The following CAMKMT variants were observed in gnomAD, a reference collection of about 807,000 sequenced individuals.
CAMKMT encodes the protein calmodulin-lysine N-methyltransferase.
Under a neutral mutation model 48.0 loss-of-function variants are expected in CAMKMT, and 53 were observed. The observed-to-expected ratio is 1.10, with a 90% CI of 0.89 to 1.39. The LOEUF is 1.39. Among genes scored for constraint, CAMKMT ranks in the 40% most tolerant of loss-of-function variants. CAMKMT has a pLI of 0.00. For missense variants in CAMKMT, 428 were observed against 402.7 expected, an observed-to-expected ratio of 1.06 and a Z score of -0.54; for synonymous variants, 165 against 152.3, an observed-to-expected ratio of 1.08 and a Z score of -0.61.
chr2:44,381,528 C>T (rs1680237851), intron 2 of CAMKMT, among the ~76,000 whole-genome samples: 1 of 152,140 alleles, frequency 6.6e-6, no homozygotes, highest in South Asian at 2.1e-4. Context: ...CAAGAATGTT[C>T]ACTGCAGCAG....
At chr2:44,468,893 G>C (rs915929019) in intron 3 of CAMKMT, among the ~76,000 whole-genome samples, 1 of 152,102 alleles carries the variant, frequency 6.6e-6, no homozygotes, top group Non-Finnish European at 1.5e-5. Context: ...ACTACAGCCT[G>C]GATGACAGAG....
intron 3 of CAMKMT, among the ~76,000 whole-genome samples, chr2:44,591,779 C>T (rs556114711): frequency 6.6e-6 from 1 of 151,978 alleles, no homozygotes; most frequent in South Asian, 2.1e-4. Flanking sequence ...TTTATTGCGG[C>T]ACTATTCACA....
chr2:44,453,180 A>G (rs953230837), intron 3 of CAMKMT, among the ~76,000 whole-genome samples: 3 of 152,000 alleles, frequency 2.0e-5, no homozygotes, highest in Admixed American at 6.6e-5. Context: ...TTAAAAGTAG[A>G]TGTGGCTGTA....
intron 3 of CAMKMT, among the ~76,000 whole-genome samples, chr2:44,688,059 C>T (rs1271263794): frequency 4.6e-5 from 7 of 152,030 alleles, no homozygotes; most frequent in Non-Finnish European, 1.0e-4. Flanking sequence ...TACAATGGTA[C>T]GTAAATTTAT....
chr2:44,606,466 A>G (rs1671289325), intron 3 of CAMKMT, among the ~76,000 whole-genome samples: 1 of 152,232 alleles, frequency 6.6e-6, no homozygotes, highest in African/African-American at 2.4e-5. Context: ...TTCAAACACC[A>G]GATCCACAGA....
At chr2:44,401,028 A>G (rs1682333480) in intron 3 of CAMKMT, 1 of 151,072 alleles carries the variant, frequency 6.6e-6, no homozygotes, top group Non-Finnish European at 1.5e-5. Flanking sequence ...AGATTGGAAC[A>G]GAAAGAGCAA....
At chr2:44,390,551 A>G (rs1394961801) in intron 3 of CAMKMT, among the ~76,000 whole-genome samples, 1 of 151,374 alleles carries the variant, frequency 6.6e-6, no homozygotes, top group East Asian at 1.9e-4. Context: ...GGGGAGGGAG[A>G]GAGAGAGGGA....
At chr2:44,701,371 T>C (rs1677250843) in intron 3 of CAMKMT, among the ~76,000 whole-genome samples, 1 of 152,182 alleles carries the variant, frequency 6.6e-6, no homozygotes, top group African/African-American at 2.4e-5. Flanking sequence ...TGATTTTCAC[T>C]GAGATAACTT....
chr2:44,458,672 A>C (rs1447606607), intron 3 of CAMKMT, among the ~76,000 whole-genome samples: 1 of 152,222 alleles, frequency 6.6e-6, no homozygotes, highest in Non-Finnish European at 1.5e-5. Context: ...TTTTTAATCC[A>C]ACAACCAGCT....
At chr2:44,593,065 G>A (rs1670402204) in intron 3 of CAMKMT, among the ~76,000 whole-genome samples, 1 of 152,170 alleles carries the variant, frequency 6.6e-6, no homozygotes, top group South Asian at 2.1e-4. Context: ...GTTTTGTGAA[G>A]CAGATGTGTT....
intron 1 of CAMKMT, among the ~76,000 whole-genome samples, chr2:44,368,141 A>G (rs1678804309): frequency 1.3e-5 from 2 of 152,132 alleles, no homozygotes. Flanking sequence ...TAGCATTGAT[A>G]TTTGACTAAA....
intron 3 of CAMKMT, among the ~76,000 whole-genome samples, chr2:44,610,967 A>T (rs1005157009): frequency 2.0e-5 from 3 of 152,180 alleles, no homozygotes; most frequent in African/African-American, 7.2e-5. Context: ...CCCAAGAAAC[A>T]GTGTTAGTGG....
At chr2:44,590,871 GT>G (rs1272379781) in intron 3 of CAMKMT, among the ~76,000 whole-genome samples, 1 of 151,442 alleles carries the variant, frequency 6.6e-6, no homozygotes, top group Non-Finnish European at 1.5e-5. Flanking sequence ...TTCTTCTAGG[GT>G]TTTTATGGTT....
chr2:44,743,163 A>G (rs78325869), intron 7 of CAMKMT, among the ~76,000 whole-genome samples: 1,601 of 152,322 alleles, frequency 0.011, 15 homozygotes, highest in Non-Finnish European at 0.017. Context: ...CTTTTCTTCC[A>G]TCTTACCAAA....
At chr2:44,615,794 C>T (rs543684466) in intron 3 of CAMKMT, among the ~76,000 whole-genome samples, 1 of 152,198 alleles carries the variant, frequency 6.6e-6, no homozygotes, top group East Asian at 1.9e-4. Flanking sequence ...GAGAGATGGC[C>T]TCTCAAAGGC....
At chr2:44,707,581 C>A in intron 6 of CAMKMT, 119 bp downstream of exon 6, 1 of 700,912 alleles carries the variant, frequency 1.4e-6, no homozygotes, top group Non-Finnish European at 2.3e-6. Flanking sequence ...CCCCTACATA[C>A]ATGATAAGTA....
rs1558749935 is a variant in CAMKMT, at chr2:44,621,135, ATGGG to A, written c.377-83147_377-83144del. 1.5e-3 allele frequency among the ~76,000 whole-genome samples: 221 copies of A among 151,838 alleles called. 1 individual carries two copies. Among genetic ancestry groups the A allele is most frequent in the African/African-American group, 5.2e-3 (214 of 41,330 alleles). On this transcript the variant is annotated intron_variant, in intron 3 of 10. Transcript: ENST00000378494. ...TACAAAAAATTAGCTGGGCGTGGTG[ATGGG>A]CGCTTGTAGTCCCAGCTATTTGGGA...
At chr2:44,471,429 C>G (rs1338013668) in intron 3 of CAMKMT, among the ~76,000 whole-genome samples, 1 of 152,038 alleles carries the variant, frequency 6.6e-6, no homozygotes, top group Non-Finnish European at 1.5e-5. Flanking sequence ...AAAACCCCGT[C>G]TCTAAAAAAT....
At chr2:44,658,642 G>T (rs976209554) in intron 3 of CAMKMT, among the ~76,000 whole-genome samples, 1 of 152,108 alleles carries the variant, frequency 6.6e-6, no homozygotes, top group Admixed American at 6.6e-5. Context: ...CCCTCTGGCC[G>T]ACTCCATTTC....
Sources: allele counts gnomAD v4.1 joint callset (sites outside exome capture counted in the v4.1 genomes callset), GRCh38; gene constraint gnomAD v4.1.1; transcripts MANE v1.5; gene names NCBI Gene and HGNC (gene_info 2026-07-23, HGNC 2026-07-21).